TMEM161B: variants seen among roughly 807,000 people sequenced by gnomAD.
TMEM161B encodes the protein transmembrane protein 161B.
Under a neutral mutation model 61.8 loss-of-function variants are expected in TMEM161B, and 34 were observed. The ratio of observed to expected loss-of-function variants is 0.55; its 90% CI spans 0.42 to 0.73. TMEM161B has a LOEUF of 0.73. Among genes scored for constraint, TMEM161B ranks in the 30% least tolerant of loss-of-function variants. The pLI, the probability that TMEM161B is intolerant of heterozygous loss-of-function variation, is 0.00. For synonymous variants in TMEM161B, 167 were observed against 192.8 expected, an observed-to-expected ratio of 0.87 and a Z score of 1.11; for missense variants, 456 against 558.5, an observed-to-expected ratio of 0.82 and a Z score of 1.85.
At chr5:88,222,230 G>T (rs946206693) in intron 4 of TMEM161B, among the ~76,000 whole-genome samples, 1 of 151,972 alleles carries the variant, frequency 6.6e-6, no homozygotes, top group African/African-American at 2.4e-5. Flanking sequence ...CACCACACTC[G>T]GGTAATTTTT....
intron 11 of TMEM161B, among the ~76,000 whole-genome samples, 197 bp from the exon 12 acceptor site, chr5:88,196,685 T>C (rs1226332453): frequency 2.6e-5 from 4 of 152,048 alleles, no homozygotes; most frequent in African/African-American, 9.7e-5. Context: ...TCTGGCCTCA[T>C]CAGTAAAGGT....
In TMEM161B at chr5:88,263,102, A is replaced by C. The variant is rs558790026; in HGVS notation, c.3+5619T>G. On this transcript the variant is annotated intron_variant, in intron 1 of 11. Coordinates refer to ENST00000296595, the MANE Select transcript of TMEM161B (RefSeq NM_153354.5). ...AGCTCTTTGCTTGCTTTTTAGATAC[A>C]CTGTACTACAATAATTTTACAGGAG... Among the ~76,000 whole-genome samples the C allele has an allele frequency of 3.9e-5, 6 of 152,260 alleles. 1 individual carries two copies. In the South Asian group the frequency reaches 1.2e-3, roughly 32 times the overall value.
Position 88,224,959 on chromosome 5 carries a change from G to GTTTTTTTTTTTTTTTTT in TMEM161B, c.289+809_289+810insAAAAAAAAAAAAAAAAA, listed in dbSNP as rs202011902. ...ATAATACACATAACACACAAAATAT[G>GTTTTTTTTTTTTTTTTT]TTTTTGTTTTTTTTTTTTTTTTTTT... On this transcript the variant is annotated intron_variant, in intron 4 of 11. Coordinates refer to ENST00000296595, the MANE Select transcript of TMEM161B (RefSeq NM_153354.5). 4.0e-5 allele frequency among the ~76,000 whole-genome samples: 4 copies of GTTTTTTTTTTTTTTTTT among 101,216 alleles called. 1 individual carries two copies. The highest frequency in any genetic ancestry group is 3.6e-4 in the South Asian group (1 of 2,768). 66.4% of individuals were successfully genotyped at this position (101,216 alleles called of 152,430 possible). A position where few individuals can be genotyped will look rare whatever the true frequency, so the allele number is the denominator to read the frequency against.
At chr5:88,189,931 C>A in exon 13 of TMEM161B, 1 of 624,860 alleles carries the variant, frequency 1.6e-6, no homozygotes, top group Non-Finnish European at 2.9e-6. Context: ...GGCCAGTAGG[C>A]AGCATGCAGT....
intron 1 of TMEM161B, among the ~76,000 whole-genome samples, chr5:88,248,152 C>T (rs1753866542): frequency 1.3e-5 from 2 of 152,010 alleles, no homozygotes; most frequent in South Asian, 4.1e-4. Flanking sequence ...TACACCAAAT[C>T]CTGGGTCCCC....
chr5:88,228,919 A>G lies in TMEM161B; in HGVS notation c.108-391T>C, dbSNP rs531753950. ...GAAGGAATTGAGAGTTATCTTAAAA[A>G]GAGAGGTGTTTGAATGAATTCTCAC... On this transcript the variant is annotated intron_variant, in intron 2 of 11. Coordinates refer to ENST00000296595, the MANE Select transcript of TMEM161B (RefSeq NM_153354.5). Among the ~76,000 whole-genome samples the G allele has an allele frequency of 3.9e-5, 6 of 152,344 alleles. No individual in the cohort carries two copies. The East Asian group carries it at 9.6e-4, about 24-fold the overall frequency.
chr5:88,242,161 A>C (rs1475967618), intron 1 of TMEM161B, among the ~76,000 whole-genome samples: 2 of 151,694 alleles, frequency 1.3e-5, no homozygotes, highest in Admixed American at 1.3e-4. Context: ...TCTCAACCTC[A>C]TATTCACAGC....
intron 1 of TMEM161B, among the ~76,000 whole-genome samples, chr5:88,251,440 T>C (rs1430844354): frequency 6.6e-6 from 1 of 152,124 alleles, no homozygotes; most frequent in Non-Finnish European, 1.5e-5. Context: ...TTGCGGTCTT[T>C]CACTAGTCTT....
chr5:88,247,236 A>G (rs1753734961), intron 1 of TMEM161B, among the ~76,000 whole-genome samples: 1 of 152,122 alleles, frequency 6.6e-6, no homozygotes, highest in Non-Finnish European at 1.5e-5. Flanking sequence ...AAATGTACCC[A>G]AATAACAGTA....
At chr5:88,246,374 C>A (rs1332637055) in intron 1 of TMEM161B, among the ~76,000 whole-genome samples, 1 of 151,554 alleles carries the variant, frequency 6.6e-6, no homozygotes, top group Non-Finnish European at 1.5e-5. Flanking sequence ...AAATATTTCA[C>A]CAGTTGCTCC....
At chr5:88,233,221 TAA>T (rs1267470722) in intron 2 of TMEM161B, among the ~76,000 whole-genome samples, 1 of 152,162 alleles carries the variant, frequency 6.6e-6, no homozygotes. Context: ...TTTAACCAAT[TAA>T]ATAGTGAAAA....
Position 88,203,016 on chromosome 5 carries a change from G to A in TMEM161B, c.860C>T (p.Pro287Leu). 6.2e-7 allele frequency: 1 copy of A among 1,612,012 alleles called. No homozygotes were observed. Among genetic ancestry groups the A allele is most frequent in the East Asian group, 2.2e-5 (1 of 44,770 alleles). The change falls in exon 9 of 12, where the codon CCA becomes CTA. Residue 287 changes from proline (P) to leucine (L), a missense_variant. Physicochemically the swap from Pro to Leu is moderately conservative, Grantham distance 98. Coordinates refer to ENST00000296595, the MANE Select transcript of TMEM161B (RefSeq NM_153354.5). The part of the protein sequence containing the change: ...PLFMVLLWVK[P>L]ITKDYIMNPP... ...GTTCATAATGTAGTCTTTGGTGATT[G>A]GTTTTACCCAGAGCAGAACCATAAA... is the stretch of plus-strand genomic sequence containing the variant.
Position 88,195,737 on chromosome 5 carries a change from G to A in TMEM161B, c.*474C>T. ...TTTCTGTTGGATTTTATTGTTTCAA[G>A]AGTAACTAATAAATTACCAACAGAA... On this transcript the variant is annotated 3_prime_UTR_variant, in exon 12 of 12. Transcript: ENST00000296595. 5 of 986,872 alleles carry A rather than the reference G, an allele frequency of 5.1e-6. No homozygotes were observed. Among genetic ancestry groups the A allele is most frequent in the Non-Finnish European group, 6.0e-6 (5 of 830,862 alleles). 61.1% of individuals were successfully genotyped at this position (986,872 alleles called of 1,614,324 possible). A position where few individuals can be genotyped will look rare whatever the true frequency, so the allele number is the denominator to read the frequency against.
downstream of TMEM161B, among the ~76,000 whole-genome samples, chr5:88,187,821 A>C (rs1748448876): frequency 6.6e-6 from 1 of 152,030 alleles, no homozygotes; most frequent in African/African-American, 2.4e-5. Flanking sequence ...GTTTTTGCTG[A>C]ATTATTCCTT....
At chr5:88,237,285 G>C (rs904783486) in intron 2 of TMEM161B, among the ~76,000 whole-genome samples, 1 of 152,104 alleles carries the variant, frequency 6.6e-6, no homozygotes, top group South Asian at 2.1e-4. Flanking sequence ...GGGCAAAAAT[G>C]ATGTATCTAC....
chr5:88,262,330 A>C (rs753921997), intron 1 of TMEM161B, among the ~76,000 whole-genome samples: 2 of 152,192 alleles, frequency 1.3e-5, no homozygotes, highest in East Asian at 3.8e-4. Flanking sequence ...GCAAAATGAT[A>C]TAGCTTCTTT....
intron 4 of TMEM161B, among the ~76,000 whole-genome samples, chr5:88,221,109 G>T (rs1245500543): frequency 6.6e-6 from 1 of 152,088 alleles, no homozygotes; most frequent in Non-Finnish European, 1.5e-5. Context: ...ACTTAGTCTG[G>T]AACACAACAA....
downstream of TMEM161B, chr5:88,194,981 T>C (rs539339731): frequency 1.2e-4 from 25 of 206,538 alleles, no homozygotes; most frequent in Non-Finnish European, 1.7e-4. Context: ...ATTATCCGTT[T>C]TGGCCAGTAA....
chr5:88,258,442 A>G (rs990559953), intron 1 of TMEM161B, among the ~76,000 whole-genome samples: 6 of 152,166 alleles, frequency 3.9e-5, no homozygotes, highest in African/African-American at 1.4e-4. Flanking sequence ...ATTAATTTAA[A>G]CAAATAAAAT....
Sources: gnomAD v4.1 joint callset for allele counts (sites outside exome capture counted in the v4.1 genomes callset) on GRCh38, gnomAD v4.1.1 for gene constraint, MANE v1.5 for transcripts, NCBI Gene and HGNC (gene_info 2026-07-23, HGNC 2026-07-21) for gene names.